Variants in PDE4D observed in about 807,000 individuals in gnomAD.
PDE4D encodes phosphodiesterase 4D, also known as 3',5'-cyclic-AMP phosphodiesterase 4D.
In PDE4D, 24 loss-of-function variants were observed where a neutral mutation model predicts 87.4. The observed-to-expected ratio is 0.27, with a 90% confidence interval of 0.20 to 0.39. PDE4D has a LOEUF of 0.39. Ranked by LOEUF, PDE4D falls within the 10% of genes least tolerant of loss-of-function variation. The pLI is 1.00. For missense variants in PDE4D, 714 were observed against 1,041.0 expected, an observed-to-expected ratio of 0.69 and a Z score of 4.32; for synonymous variants, 384 against 383.2, an observed-to-expected ratio of 1.00 and a Z score of -0.02.
At chr5:59,661,097 T>TATATATATATATATATATATA (rs1561426172) in intron 1 of PDE4D, among the ~76,000 whole-genome samples, 5 of 147,802 alleles carry the variant, frequency 3.4e-5, no homozygotes, top group African/African-American at 1.2e-4. Context: ...TATATATATA[T>TATATATATATATATATATATA]TTTGTCATCT....
intron 1 of PDE4D, among the ~76,000 whole-genome samples, chr5:59,529,563 G>A: frequency 6.6e-6 from 1 of 152,114 alleles, no homozygotes; most frequent in South Asian, 2.1e-4. Flanking sequence ...ACAGGGCACT[G>A]GTGTCTTTTT....
rs570210536 is a variant in PDE4D at position 60,289,708 on chromosome 5, A to G, written c.-89-104021T>C. 3.3e-5 allele frequency among the ~76,000 whole-genome samples: 5 copies of G among 152,344 alleles called. No individual in the cohort carries two copies. In the East Asian group the frequency reaches 9.6e-4, roughly 29 times the overall value. ...ATGTAGCAATTATGGCAAGAGTGGGACAAGAGAAAAAGTTTCATCCAAGAA... is the reference window on the plus strand; with the variant it reads ...ATGTAGCAATTATGGCAAGAGTGGGGCAAGAGAAAAAGTTTCATCCAAGAA... On this transcript the variant is annotated intron_variant, in intron 1 of 16. Transcript: ENST00000502484.
In PDE4D at chr5:59,519,947, T is replaced by C. The variant is rs75292971; in HGVS notation, c.456-303979A>G. On this transcript the variant is annotated intron_variant, in intron 1 of 14. Coordinates refer to ENST00000340635, the MANE Select transcript of PDE4D (RefSeq NM_001104631.2). ...ACACAAATCTCTATCTCAGCACTTA[T>C]GTATTTATGGTTTATAAATGAGGCT... Among the ~76,000 whole-genome samples the C allele has an allele frequency of 1.4e-4, 22 of 152,310 alleles. No homozygotes were observed. In the East Asian group the frequency reaches 4.1e-3, roughly 28 times the overall value.
At chr5:59,519,441 T>C (rs908914830) in intron 1 of PDE4D, among the ~76,000 whole-genome samples, 3 of 152,202 alleles carry the variant, frequency 2.0e-5, no homozygotes, top group African/African-American at 7.2e-5. Context: ...GCCATCCAGA[T>C]ACTTAGAGGA....
chr5:59,076,220 G>A (rs1765662870), intron 5 of PDE4D, among the ~76,000 whole-genome samples: 2 of 152,076 alleles, frequency 1.3e-5, no homozygotes, highest in Admixed American at 1.3e-4. Context: ...TTTACAAAGA[G>A]GAAAAACAAC....
chr5:60,474,526 C>A (rs1748157926), intron 1 of PDE4D, among the ~76,000 whole-genome samples: 1 of 152,098 alleles, frequency 6.6e-6, no homozygotes, highest in Non-Finnish European at 1.5e-5. Flanking sequence ...CCTTCACCCA[C>A]CAAATTAGGA....
intron 1 of PDE4D, among the ~76,000 whole-genome samples, chr5:59,320,812 C>T (rs565128196): frequency 2.0e-5 from 3 of 151,518 alleles, no homozygotes; most frequent in Admixed American, 6.6e-5. Flanking sequence ...TCTACTCCTT[C>T]TTTTCTTTTC....
intron 1 of PDE4D, among the ~76,000 whole-genome samples, chr5:59,313,528 G>A (rs1393745326): frequency 6.6e-6 from 1 of 151,338 alleles, no homozygotes; most frequent in Non-Finnish European, 1.5e-5. Context: ...ACCCAGCAAA[G>A]AAATCTAACC....
At chr5:59,741,731 G>A (rs754528600) in intron 1 of PDE4D, among the ~76,000 whole-genome samples, 5 of 151,996 alleles carry the variant, frequency 3.3e-5, no homozygotes, top group Non-Finnish European at 5.9e-5. Flanking sequence ...CTGAAATTAC[G>A]TTTTTCTAGT....
At chr5:59,112,803 CTT>C (rs70973195) in intron 5 of PDE4D, among the ~76,000 whole-genome samples, 147 of 127,208 alleles carry the variant, frequency 1.2e-3, no homozygotes, top group African/African-American at 1.4e-3. Flanking sequence ...CTTTTTCTTT[CTT>C]TTTTTTTTTT....
chr5:59,071,815 T>A (rs553579468), intron 5 of PDE4D, among the ~76,000 whole-genome samples: 93 of 150,538 alleles, frequency 6.2e-4, no homozygotes, highest in African/African-American at 9.3e-4. Flanking sequence ...GCCTCCTGAG[T>A]AGCTGGGATT....
At chr5:59,667,726 T>C (rs1746312840) in intron 1 of PDE4D, among the ~76,000 whole-genome samples, 1 of 152,196 alleles carries the variant, frequency 6.6e-6, no homozygotes, top group Non-Finnish European at 1.5e-5. Flanking sequence ...CCTGAGTCTT[T>C]CCATATCTAT....
At position 58,973,175 on chromosome 5, in the gene PDE4D, T is replaced by G. The variant is rs1742912615; in HGVS notation, c.*1489A>C. On this transcript the variant is annotated 3_prime_UTR_variant, in exon 15 of 15. Transcript: ENST00000340635. ...GGTGTTTGTTAATATATTGTTAATA[T>G]TCTTAAAAACTGCCTAGTTGGCTGT... is the stretch of plus-strand genomic sequence containing the variant. The G allele has an allele frequency of 1.3e-5, 2 of 152,142 alleles. No homozygotes were observed. Among genetic ancestry groups the G allele is most frequent in the South Asian group, 4.1e-4 (2 of 4,826 alleles). 9.4% of individuals were successfully genotyped at this position (152,142 alleles called of 1,614,324 possible). A position where few individuals can be genotyped will look rare whatever the true frequency, so the allele number is the denominator to read the frequency against.
chr5:59,933,570 T>G (rs984640292), intron 3 of PDE4D, among the ~76,000 whole-genome samples: 7 of 152,330 alleles, frequency 4.6e-5, no homozygotes, highest in Admixed American at 2.0e-4. Context: ...GTCCTCACAC[T>G]TATGTGAGGT....
chr5:59,200,074 T>G (rs981273724), intron 2 of PDE4D, among the ~76,000 whole-genome samples: 42 of 51,634 alleles, frequency 8.1e-4, no homozygotes, highest in Non-Finnish European at 1.9e-4. Flanking sequence ...CACACACGTA[T>G]GCACACATAC....
At chr5:60,491,111 C>T (rs1156986567), upstream of PDE4D, 3 of 152,170 alleles carry the variant, frequency 2.0e-5, no homozygotes, top group African/African-American at 7.2e-5. Flanking sequence ...TGGTAGGGAA[C>T]TGCTGACAGT....
chr5:60,204,786 G>T (rs537973714), intron 1 of PDE4D, among the ~76,000 whole-genome samples: 1 of 152,246 alleles, frequency 6.6e-6, no homozygotes, highest in East Asian at 1.9e-4. Context: ...AACCCAGAAT[G>T]CTTGGATTAA....
intron 1 of PDE4D, among the ~76,000 whole-genome samples, chr5:59,452,228 G>C (rs1241896214): frequency 6.6e-6 from 1 of 152,080 alleles, no homozygotes; most frequent in Admixed American, 6.5e-5. Flanking sequence ...TGAGGTTTTA[G>C]CCTAAATTTT....
chr5:59,422,723 T>C (rs1794656666), intron 1 of PDE4D, among the ~76,000 whole-genome samples: 1 of 152,208 alleles, frequency 6.6e-6, no homozygotes, highest in Non-Finnish European at 1.5e-5. Context: ...ACAGTAAACA[T>C]TCCAAGTACT....
Sources: allele counts gnomAD v4.1 joint callset (sites outside exome capture counted in the v4.1 genomes callset), GRCh38; gene constraint gnomAD v4.1.1; transcripts MANE v1.5; gene names NCBI Gene and HGNC (gene_info 2026-07-23, HGNC 2026-07-21).